ZNF608: variants seen among roughly 807,000 people sequenced by gnomAD.
The protein encoded by ZNF608 is zinc finger protein 608.
A neutral mutation model predicts 109.0 loss-of-function variants in ZNF608; 12 were observed. The observed-to-expected ratio is 0.11, with a 90% confidence interval of 0.07 to 0.18. The LOEUF (loss-of-function observed/expected upper bound fraction) is 0.18, where lower values mean the gene tolerates loss of function less well. ZNF608 is among the 10% of genes least tolerant of loss of function. ZNF608 has a pLI of 1.00. For missense variants in ZNF608, 1,707 were observed against 1,879.3 expected, an observed-to-expected ratio of 0.91 and a Z score of 1.70; for synonymous variants, 732 against 717.4, an observed-to-expected ratio of 1.02 and a Z score of -0.33.
intron 2 of ZNF608, among the ~76,000 whole-genome samples, chr5:124,740,180 C>A (rs757796142): frequency 1.3e-5 from 2 of 152,158 alleles, no homozygotes; most frequent in Non-Finnish European, 2.9e-5. Flanking sequence ...GGATTTCACA[C>A]ACCAAAGTCA....
At chr5:124,686,568 G>A (rs1209660203) in intron 3 of ZNF608, among the ~76,000 whole-genome samples, 3 of 152,222 alleles carry the variant, frequency 2.0e-5, no homozygotes, top group African/African-American at 7.2e-5. Flanking sequence ...TGCACTGTGT[G>A]CACTGTCTGG....
chr5:124,701,528 A>T (rs1479235700), intron 2 of ZNF608, among the ~76,000 whole-genome samples: 2 of 152,208 alleles, frequency 1.3e-5, no homozygotes, highest in African/African-American at 4.8e-5. Context: ...CTCCTTCTAA[A>T]TTCATCATTG....
At chr5:124,678,906 C>CA (rs1374828236) in intron 3 of ZNF608, among the ~76,000 whole-genome samples, 1 of 152,168 alleles carries the variant, frequency 6.6e-6, no homozygotes, top group East Asian at 1.9e-4. Context: ...GGTCTGTCTG[C>CA]AAAAAGAAGA....
chr5:124,638,223 T>C (rs1750067094), intron 9 of ZNF608, among the ~76,000 whole-genome samples: 1 of 151,650 alleles, frequency 6.6e-6, no homozygotes, highest in Admixed American at 6.6e-5. Context: ...GTGCTGGGAT[T>C]ACAGGCATAA....
chr5:124,701,586 T>C (rs1376227972), intron 2 of ZNF608, among the ~76,000 whole-genome samples: 1 of 152,176 alleles, frequency 6.6e-6, no homozygotes, highest in Non-Finnish European at 1.5e-5. Context: ...TTTTGCAAAA[T>C]TAAGGCTACT....
At chr5:124,747,593 A>G (rs985718246), upstream of ZNF608, among the ~76,000 whole-genome samples, 20 of 150,756 alleles carry the variant, frequency 1.3e-4, no homozygotes, top group African/African-American at 4.9e-4. Flanking sequence ...AAAAAGCTGA[A>G]AGTCTCTCCC....
At chr5:124,747,618 A>C (rs1478481101), upstream of ZNF608, among the ~76,000 whole-genome samples, 2 of 123,876 alleles carry the variant, frequency 1.6e-5, no homozygotes, top group African/African-American at 3.0e-5. Flanking sequence ...CCCTGCACAC[A>C]CTCCCCCAAC....
At chr5:124,714,690 A>G (rs1299498751) in intron 2 of ZNF608, among the ~76,000 whole-genome samples, 2 of 152,222 alleles carry the variant, frequency 1.3e-5, no homozygotes, top group East Asian at 1.9e-4. Context: ...TATCTCTATC[A>G]TATAAGTGCT....
upstream of ZNF608, among the ~76,000 whole-genome samples, chr5:124,747,676 G>T (rs1053993120): frequency 6.6e-6 from 1 of 150,914 alleles, no homozygotes; most frequent in Non-Finnish European, 1.5e-5. Flanking sequence ...AGTTATGAAT[G>T]TGAAACATTT....
intron 3 of ZNF608, among the ~76,000 whole-genome samples, chr5:124,676,186 T>C (rs911127621): frequency 1.3e-5 from 2 of 152,190 alleles, no homozygotes; most frequent in African/African-American, 4.8e-5. Context: ...CTTTGGTGAA[T>C]GCTACTGGAG....
intron 2 of ZNF608, among the ~76,000 whole-genome samples, chr5:124,736,569 G>A (rs114478656): frequency 4.9e-4 from 75 of 152,064 alleles, no homozygotes; most frequent in African/African-American, 1.7e-3. Flanking sequence ...AACACATGAT[G>A]AGTGTAGTTT....
chr5:124,679,033 C>T (rs1752081231), intron 3 of ZNF608, among the ~76,000 whole-genome samples: 1 of 152,204 alleles, frequency 6.6e-6, no homozygotes, highest in Non-Finnish European at 1.5e-5. Flanking sequence ...AGCCAAGGCT[C>T]TAAATCTCCT....
chr5:124,700,162 T>C (rs923046311), intron 3 of ZNF608, among the ~76,000 whole-genome samples: 1 of 152,186 alleles, frequency 6.6e-6, no homozygotes, highest in Admixed American at 6.5e-5. Context: ...TTCTTCCTTA[T>C]CTCTTCTACT....
intron 2 of ZNF608, among the ~76,000 whole-genome samples, chr5:124,705,956 C>A (rs1753242656): frequency 6.6e-6 from 1 of 152,242 alleles, no homozygotes; most frequent in Admixed American, 6.5e-5. Context: ...CACCGTGCAA[C>A]CTGCTAGAAC....
intron 2 of ZNF608, among the ~76,000 whole-genome samples, chr5:124,731,995 A>T (rs574231503): frequency 6.6e-6 from 1 of 152,198 alleles, no homozygotes; most frequent in South Asian, 2.1e-4. Context: ...CTAATTTTTT[A>T]CACTCTCTTT....
chr5:124,734,709 C>T (rs1471828205), intron 2 of ZNF608: 1 of 152,142 alleles, frequency 6.6e-6, no homozygotes, highest in African/African-American at 2.4e-5. Context: ...TCACTCAATT[C>T]GTTTATTTGG....
At chr5:124,663,692 G>C (rs1267723090) in intron 3 of ZNF608, among the ~76,000 whole-genome samples, 1 of 152,122 alleles carries the variant, frequency 6.6e-6, no homozygotes, top group African/African-American at 2.4e-5. Context: ...ATGAATTAGT[G>C]CACACTTTCC....
intron 1 of ZNF608, 101 bp downstream of exon 1, chr5:124,746,094 G>A (rs1463684910): frequency 1.0e-6 from 1 of 981,848 alleles, no homozygotes; most frequent in African/African-American, 1.8e-5. Flanking sequence ...CAGTTAAAAC[G>A]GTTTTTAAAG....
chr5:124,646,167 C>T (rs6595535), intron 5 of ZNF608, among the ~76,000 whole-genome samples: 40,781 of 151,822 alleles, frequency 0.27, 6,798 homozygotes, highest in African/African-American at 0.48. Flanking sequence ...TCGAGACCAT[C>T]TCGCTAACAC....
Sources: allele counts gnomAD v4.1 joint callset (sites outside exome capture counted in the v4.1 genomes callset), GRCh38; gene constraint gnomAD v4.1.1; transcripts MANE v1.5; gene names NCBI Gene and HGNC (gene_info 2026-07-23, HGNC 2026-07-21).